The following RTF1 variants were observed in gnomAD, a reference collection of about 807,000 sequenced individuals.
RTF1 encodes the protein RNA polymerase-associated protein RTF1 homolog.
In RTF1, 10 loss-of-function variants were observed where a neutral mutation model predicts 95.7. The observed-to-expected ratio is 0.10, with a 90% CI of 0.06 to 0.18. The LOEUF (loss-of-function observed/expected upper bound fraction) is 0.18, where lower values mean the gene tolerates loss of function less well. Among genes scored for constraint, RTF1 ranks in the 10% least tolerant of loss-of-function variants. RTF1 has a pLI of 1.00. For synonymous variants in RTF1, 305 were observed against 311.8 expected, an observed-to-expected ratio of 0.98 and a Z score of 0.23; for missense variants, 458 against 875.6, an observed-to-expected ratio of 0.52 and a Z score of 6.02.
chr15:41,472,011 G>A lies in RTF1; in HGVS notation c.1203+662G>A, dbSNP rs374085465. ...CCTCCCGGGTTCAAGTGATTCTCCC[G>A]CCTCAGCCTCCCAAGTAGCTGGGAC... On this transcript the variant is annotated intron_variant, in intron 8 of 17. Transcript: ENST00000389629. 4.4e-4 allele frequency among the ~76,000 whole-genome samples: 67 copies of A among 151,564 alleles called. No homozygotes were observed. The South Asian group carries it at 5.4e-3, about 12-fold the overall frequency.
At chr15:41,458,978 A>G (rs948639449) in intron 4 of RTF1, among the ~76,000 whole-genome samples, 1 of 152,182 alleles carries the variant, frequency 6.6e-6, no homozygotes, top group African/African-American at 2.4e-5. Context: ...ATCCTGAGGC[A>G]GGAGAATGGC....
intron 1 of RTF1, among the ~76,000 whole-genome samples, chr15:41,424,614 A>G (rs1349422506): frequency 6.6e-6 from 1 of 152,260 alleles, no homozygotes; most frequent in Admixed American, 6.5e-5. Context: ...TGTGTCATAC[A>G]TAGTAAATAT....
intron 1 of RTF1, among the ~76,000 whole-genome samples, chr15:41,424,669 C>G (rs1272106038): frequency 6.6e-6 from 1 of 152,092 alleles, no homozygotes; most frequent in East Asian, 1.9e-4. Context: ...TAGATGTATA[C>G]TGGGTTGTGA....
intron 1 of RTF1, among the ~76,000 whole-genome samples, chr15:41,427,030 T>G (rs1354222132): frequency 6.7e-6 from 1 of 149,124 alleles, no homozygotes; most frequent in African/African-American, 2.5e-5. Context: ...TTAGTAGAGA[T>G]AGGGTTTCAC....
chr15:41,439,647 A>G (rs1252202794), intron 2 of RTF1, among the ~76,000 whole-genome samples: 2 of 151,964 alleles, frequency 1.3e-5, no homozygotes, highest in African/African-American at 4.8e-5. Context: ...CATTTGATTT[A>G]TTTATTTTAT....
chr15:41,480,222 C>A lies in RTF1; in HGVS notation c.1923C>A (p.Gly641=). 6.2e-7 allele frequency: 1 copy of A among 1,608,958 alleles called. No homozygotes were observed. Among genetic ancestry groups the A allele is most frequent in the Non-Finnish European group, 8.5e-7 (1 of 1,175,324 alleles). The change falls in exon 17 of 18, where the codon GGC becomes GGA. Residue 641 remains glycine, a synonymous_variant. Transcript: ENST00000389629. ...DAPKEMSKGQ[G]KDKDLNSKSA... is the part of the protein sequence containing the mutation. The stretch of plus-strand genomic sequence containing the variant: ...TCCTCTTCACATTCCAGGGTCAAGG[C>A]AAAGATAAAGATTTGAATTCTAAGT...
At chr15:41,466,355 T>A in intron 6 of RTF1, 103 bp downstream of exon 6, 1 of 699,220 alleles carries the variant, frequency 1.4e-6, no homozygotes, top group Admixed American at 3.5e-5. Flanking sequence ...CATATAAAAT[T>A]CCAGCACATA....
intron 1 of RTF1, among the ~76,000 whole-genome samples, chr15:41,437,280 G>A (rs190300204): frequency 6.6e-6 from 1 of 151,996 alleles, no homozygotes; most frequent in East Asian, 1.9e-4. Flanking sequence ...CGGATCACGA[G>A]GTCAGGAGAT....
intron 5 of RTF1, 46 bp downstream of exon 5, chr15:41,464,931 T>G: frequency 7.0e-7 from 1 of 1,434,658 alleles, no homozygotes; most frequent in Non-Finnish European, 9.1e-7. Context: ...AAACCTGTTT[T>G]GAGTGTGTGT....
intron 17 of RTF1, 100 bp downstream of exon 17, chr15:41,480,425 G>C (rs7171744): frequency 3.0e-6 from 3 of 1,015,890 alleles, no homozygotes; most frequent in Admixed American, 3.6e-5. Flanking sequence ...AAAGGGGAAT[G>C]CTGGCTCATC....
chr15:41,465,319 C>T (rs961248423), intron 5 of RTF1, among the ~76,000 whole-genome samples: 11 of 152,038 alleles, frequency 7.2e-5, no homozygotes, highest in Non-Finnish European at 1.5e-4. Flanking sequence ...CATATGCTAC[C>T]GTGCCCGGCT....
chr15:41,477,395 G>A, intron 13 of RTF1, 63 bp from the exon 14 acceptor site: 1 of 1,612,680 alleles, frequency 6.2e-7, no homozygotes, highest in Non-Finnish European at 8.5e-7. Flanking sequence ...TCTGAGTTCA[G>A]GGCTCAGTGG....
In RTF1 at chr15:41,464,933, A is replaced by AGTGTGTGTGTGTGTGT. The variant is rs67065750; in HGVS notation, c.777+67_777+82dup. The AGTGTGTGTGTGTGTGT allele has an allele frequency of 1.1e-5, 14 of 1,304,636 alleles. No individual in the cohort carries two copies. In the African/African-American group the frequency reaches 1.3e-4, roughly 12 times the overall value. The allele number at this position is 1,304,636 out of a possible 1,614,324, so 80.8% of individuals were successfully genotyped here. On this transcript the variant is annotated intron_variant, in intron 5 of 17. Transcript: ENST00000389629. Reference sequence around the variant, plus strand: ...TTGTCCAAAGAATAAACCTGTTTTGAGTGTGTGTGTGTGTGTGTGTGTGTG... The same window carrying AGTGTGTGTGTGTGTGT: ...TTGTCCAAAGAATAAACCTGTTTTGAGTGTGTGTGTGTGTGTGTGTGTGTGTGTGTGTGTGTGTGTG...
Position 41,417,303 on chromosome 15 carries a change from A to T in RTF1, c.188A>T (p.Asn63Ile). 8.0e-7 allele frequency: 1 copy of T among 1,247,266 alleles called. No homozygotes were observed. The highest frequency in any genetic ancestry group is 3.2e-5 in the East Asian group (1 of 31,680). 77.3% of individuals were successfully genotyped at this position (1,247,266 alleles called of 1,614,324 possible). Residue 63 changes from asparagine (N) to isoleucine (I), a missense_variant, in exon 1 of 18, where the codon AAC (asparagine) becomes ATC (isoleucine). Asn to Ile is a moderately radical substitution (Grantham distance 149). Coordinates refer to ENST00000389629, the MANE Select transcript of RTF1 (RefSeq NM_015138.5). ...SDTEDSGSDE[N>I]LDQELLSLAK... ...ACAGAGGACAGCGGCAGCGACGAGA[A>T]CCTGGATCAGGTGAGGGCAGGCCGC... is the stretch of plus-strand genomic sequence containing the variant.
chr15:41,443,367 T>G (rs555575673), intron 2 of RTF1, among the ~76,000 whole-genome samples: 8 of 152,192 alleles, frequency 5.3e-5, no homozygotes, highest in Non-Finnish European at 1.0e-4. Context: ...GATTGAATTA[T>G]TCTCGATATC....
rs926073081 is a variant in RTF1, at chr15:41,482,766, TC to T, written c.*2080del. The T allele has an allele frequency of 1.4e-4, 21 of 152,754 alleles. No individual in the cohort carries two copies. The highest frequency in any genetic ancestry group is 4.8e-4 in the African/African-American group (20 of 41,572). 9.5% of individuals were successfully genotyped at this position (152,754 alleles called of 1,614,324 possible). A position where few individuals can be genotyped will look rare whatever the true frequency, so the allele number is the denominator to read the frequency against. On this transcript the variant is annotated 3_prime_UTR_variant, in exon 18 of 18. Coordinates refer to ENST00000389629, the MANE Select transcript of RTF1 (RefSeq NM_015138.5). ...ACAGACTGTTAACATTGCCTGGACT[TC>T]AGCAGAGTCCTGGAGCTGCTGGGAC...
intron 1 of RTF1, among the ~76,000 whole-genome samples, chr15:41,428,140 C>T (rs2050646752): frequency 6.6e-6 from 1 of 151,444 alleles, no homozygotes; most frequent in South Asian, 2.1e-4. Context: ...CTGTGTCACC[C>T]AAGCTACATG....
intron 1 of RTF1, among the ~76,000 whole-genome samples, chr15:41,421,877 A>G (rs1294438326): frequency 6.6e-6 from 1 of 151,862 alleles, no homozygotes; most frequent in African/African-American, 2.4e-5. Context: ...CACCCAGCTA[A>G]TTTTTAAAAT....
chr15:41,456,213 G>T (rs1489312978), intron 3 of RTF1, among the ~76,000 whole-genome samples: 1 of 151,354 alleles, frequency 6.6e-6, no homozygotes, highest in Non-Finnish European at 1.5e-5. Context: ...AAGGCTGGGC[G>T]CAGTGGCTCA....
Sources: gnomAD v4.1 joint callset for allele counts (sites outside exome capture counted in the v4.1 genomes callset) on GRCh38, gnomAD v4.1.1 for gene constraint, MANE v1.5 for transcripts, NCBI Gene and HGNC (gene_info 2026-07-23, HGNC 2026-07-21) for gene names.